The following SCAF11 variants were observed in gnomAD, a reference collection of about 807,000 sequenced individuals.
The protein encoded by SCAF11 is SR-related CTD associated factor 11.
Under a neutral mutation model 140.5 loss-of-function variants are expected in SCAF11, and 47 were observed. The ratio of observed to expected loss-of-function variants is 0.33; its 90% CI spans 0.26 to 0.43. The LOEUF (loss-of-function observed/expected upper bound fraction) is 0.43, where lower values mean the gene tolerates loss of function less well. Ranked by LOEUF, SCAF11 falls within the 20% of genes least tolerant of loss-of-function variation. The pLI, the probability that SCAF11 is intolerant of heterozygous loss-of-function variation, is 1.00. For synonymous variants in SCAF11, 557 were observed against 579.4 expected (o/e 0.96, Z 0.55); for missense variants, 1,645 against 1,705.1 (o/e 0.96, Z 0.62).
At chr12:45,961,607 T>C (rs1945832253) in intron 3 of SCAF11, 93 bp downstream of exon 3, 1 of 1,034,414 alleles carries the variant, frequency 9.7e-7, no homozygotes. Context: ...GAAAATACAT[T>C]ACTGTGAAAT....
At chr12:45,983,045 G>C (rs1352866942) in intron 1 of SCAF11, among the ~76,000 whole-genome samples, 1 of 152,184 alleles carries the variant, frequency 6.6e-6, no homozygotes, top group Non-Finnish European at 1.5e-5. Flanking sequence ...ACTAACGACT[G>C]AGGCAAGTAA....
intron 10 of SCAF11, chr12:45,929,511 GAATT>G (rs1353787856): frequency 6.6e-6 from 1 of 152,032 alleles, no homozygotes; most frequent in Non-Finnish European, 1.5e-5. Context: ...AGTTATCCAT[GAATT>G]AATAAAGACT....
chr12:45,972,043 T>C (rs1263765320), intron 1 of SCAF11, among the ~76,000 whole-genome samples: 1 of 152,114 alleles, frequency 6.6e-6, no homozygotes, highest in African/African-American at 2.4e-5. Context: ...TTTGAACTCC[T>C]AACTCACCCA....
chr12:45,922,963 G>A lies in SCAF11; in HGVS notation c.4098C>T (p.Ala1366=). ...AESKVSVAVE[A]SADSSKTDKK... The stretch of plus-strand genomic sequence containing the variant: ...TGTCTGTCTTCGAGCTATCTGCGCT[G>A]GCTTCCACTGCAACACTTACTTTGC... Residue 1366 remains alanine, a synonymous_variant, in exon 13 of 15, where the codon GCC becomes GCT. Coordinates refer to ENST00000369367, the MANE Select transcript of SCAF11 (RefSeq NM_004719.3). 1 of 1,614,128 alleles carries A rather than the reference G, an allele frequency of 6.2e-7. No individual in the cohort carries two copies. The highest frequency in any genetic ancestry group is 8.5e-7 in the Non-Finnish European group (1 of 1,180,002).
At chr12:45,936,616 CTCTT>C (rs953756642) in intron 6 of SCAF11, among the ~76,000 whole-genome samples, 1 of 152,186 alleles carries the variant, frequency 6.6e-6, no homozygotes, top group Admixed American at 6.5e-5. Context: ...CCTGGCAAAA[CTCTT>C]TCTTTGTCCT....
chr12:45,965,289 T>C (rs1324036658), intron 1 of SCAF11, among the ~76,000 whole-genome samples: 1 of 152,170 alleles, frequency 6.6e-6, no homozygotes, highest in East Asian at 1.9e-4. Context: ...GGCTGTGAAG[T>C]ATATTTGAAA....
intron 4 of SCAF11, among the ~76,000 whole-genome samples, chr12:45,951,253 A>AT (rs1391920095): frequency 6.6e-6 from 1 of 152,028 alleles, no homozygotes; most frequent in Non-Finnish European, 1.5e-5. Flanking sequence ...CATTTCAAAC[A>AT]TTTTTTCAAT....
At chr12:45,950,708 G>T (rs1273671809) in intron 4 of SCAF11, among the ~76,000 whole-genome samples, 1 of 152,106 alleles carries the variant, frequency 6.6e-6, no homozygotes, top group Non-Finnish European at 1.5e-5. Context: ...TTGCAGTCCT[G>T]TTTGTACCTT....
chr12:45,980,442 TAAC>T (rs1301155153), intron 1 of SCAF11, among the ~76,000 whole-genome samples: 1 of 152,152 alleles, frequency 6.6e-6, no homozygotes, highest in Non-Finnish European at 1.5e-5. Flanking sequence ...CTACATATAT[TAAC>T]AAACCACTAT....
At chr12:45,957,575 C>T (rs1463105255) in intron 3 of SCAF11, among the ~76,000 whole-genome samples, 1 of 152,094 alleles carries the variant, frequency 6.6e-6, no homozygotes, top group African/African-American at 2.4e-5. Flanking sequence ...CCTTTACTCT[C>T]TCATACTGAA....
At chr12:45,972,987 G>GATATAGATATATAGATATATATATAGAT (rs1946143680) in intron 1 of SCAF11, among the ~76,000 whole-genome samples, 8 of 132,804 alleles carry the variant, frequency 6.0e-5, no homozygotes, top group Admixed American at 1.5e-4. Flanking sequence ...TAGATATATA[G>GATATAGATATATAGATATATATATAGAT]ATATAGATAT....
chr12:45,926,339 T>C lies in SCAF11; in HGVS notation c.3362A>G (p.Gln1121Arg). 6.2e-7 allele frequency: 1 copy of C among 1,614,218 alleles called. No individual in the cohort carries two copies. The change falls in exon 11 of 15, where the codon CAA becomes CGA. Residue 1121 changes from glutamine to arginine, a missense_variant. Physicochemically the swap from Gln to Arg is conservative, Grantham distance 43 (BLOSUM62 1). This residue lies in a region of SCAF11 where 1,582 missense variants were observed against 1,609.2 expected (regional missense o/e 0.98). Transcript: ENST00000369367. The part of the protein sequence containing the change: ...GSESFKFVEQ[Q>R]SYKRKSEQEF... Reference sequence around the variant, plus strand: ...CTGTTCACTTTTTCGCTTATAGGATTGCTGTTCCACAAACTTGAAAGATTC... The same window carrying C: ...CTGTTCACTTTTTCGCTTATAGGATCGCTGTTCCACAAACTTGAAAGATTC...
rs749842070 is a variant in SCAF11 at position 45,951,650 on chromosome 12, C to G, written c.297G>C (p.Lys99Asn). 3.2e-5 allele frequency: 50 copies of G among 1,562,960 alleles called. No individual in the cohort carries two copies. The highest frequency in any genetic ancestry group is 4.3e-5 in the Non-Finnish European group (50 of 1,149,456). The change falls in exon 4 of 15, where the codon AAG becomes AAC. Residue 99 changes from lysine (K) to asparagine (N), a missense_variant and splice_region_variant. Lys to Asn is a moderately conservative substitution (Grantham distance 94, BLOSUM62 0). Around this residue, in one of 2 missense-constraint regions of SCAF11, gnomAD observed 1,582 missense variants for 1,609.2 expected, o/e 0.98. Transcript: ENST00000369367. ...FKFSALEGYV[K>N]VQVKKQLRET... is the part of the protein sequence containing the mutation. Reference sequence around the variant, plus strand: ...CATGTTGCAGAATAAAAAGACTTACCTTAACATAACCTTCCAATGCACTGA... The same window carrying G: ...CATGTTGCAGAATAAAAAGACTTACGTTAACATAACCTTCCAATGCACTGA...
At chr12:45,989,159 AAACC>A (rs1946532804) in intron 1 of SCAF11, among the ~76,000 whole-genome samples, 1 of 152,220 alleles carries the variant, frequency 6.6e-6, no homozygotes, top group African/African-American at 2.4e-5. Flanking sequence ...TAAAATACAA[AAACC>A]AACCGTTATT....
intron 1 of SCAF11, among the ~76,000 whole-genome samples, chr12:45,967,480 C>T (rs1246111057): frequency 6.6e-6 from 1 of 152,136 alleles, no homozygotes. Flanking sequence ...CTTGTCTCTA[C>T]TAAAAATACA....
At chr12:45,957,687 AAAGAT>A (rs1239127227) in intron 3 of SCAF11, among the ~76,000 whole-genome samples, 6 of 152,278 alleles carry the variant, frequency 3.9e-5, no homozygotes, top group African/African-American at 1.4e-4. Flanking sequence ...ATAATACTTA[AAAGAT>A]AAGGGAAATA....
At chr12:45,941,725 T>A (rs1247560840) in intron 6 of SCAF11, among the ~76,000 whole-genome samples, 1 of 152,232 alleles carries the variant, frequency 6.6e-6, no homozygotes, top group Non-Finnish European at 1.5e-5. Context: ...CTGACTTCCT[T>A]CTTTCTTGTA....
At chr12:45,972,971 G>GATATATATATAGATAT (rs1177215954) in intron 1 of SCAF11, among the ~76,000 whole-genome samples, 4 of 124,038 alleles carry the variant, frequency 3.2e-5, no homozygotes, top group African/African-American at 1.4e-4. Context: ...TATATATATA[G>GATATATATATAGATAT]ATATATAGAT....
intron 1 of SCAF11, among the ~76,000 whole-genome samples, chr12:45,977,356 A>T (rs1191027838): frequency 6.6e-6 from 1 of 152,158 alleles, no homozygotes; most frequent in Non-Finnish European, 1.5e-5. Flanking sequence ...TCAAAAGGCA[A>T]CATATTCTAG....
Sources: gnomAD v4.1 joint callset for allele counts (sites outside exome capture counted in the v4.1 genomes callset) on GRCh38, gnomAD v4.1.1 for gene constraint, gnomAD v4.1.1 regional missense constraint, MANE v1.5 for transcripts, NCBI Gene and HGNC (gene_info 2026-07-23, HGNC 2026-07-21) for gene names.